The following AGK variants were observed in gnomAD, a reference collection of about 807,000 sequenced individuals.
AGK encodes the protein acylglycerol kinase, also known as acylglycerol kinase, mitochondrial.
A neutral mutation model predicts 66.4 loss-of-function variants in AGK; 52 were observed. That is an observed-to-expected ratio of 0.78 (90% confidence interval 0.63 to 0.99). AGK has a LOEUF of 0.99. Among genes scored for constraint, AGK ranks in the 50% least tolerant of loss-of-function variants. The pLI, the probability that AGK is intolerant of heterozygous loss-of-function variation, is 0.00. For synonymous variants in AGK, 182 were observed against 181.1 expected (o/e 1.00, Z -0.04); for missense variants, 451 against 506.6 (o/e 0.89, Z 1.05).
intron 2 of AGK, among the ~76,000 whole-genome samples, chr7:141,566,105 G>A (rs1020781238): frequency 1.2e-4 from 19 of 152,262 alleles, no homozygotes; most frequent in African/African-American, 4.3e-4. Flanking sequence ...TGTTCTCCGC[G>A]GAACATTCTG....
At chr7:141,556,524 G>C (rs1400303922) in intron 2 of AGK, among the ~76,000 whole-genome samples, 2 of 149,916 alleles carry the variant, frequency 1.3e-5, no homozygotes, top group Non-Finnish European at 3.0e-5. Flanking sequence ...CTGGGTGAGG[G>C]AGTGAGACCC....
chr7:141,595,941 T>G (rs1479569361), intron 3 of AGK, among the ~76,000 whole-genome samples: 1 of 152,218 alleles, frequency 6.6e-6, no homozygotes, highest in Non-Finnish European at 1.5e-5. Flanking sequence ...TCTGGAAAAC[T>G]GAGATTATTT....
At chr7:141,614,829 T>C (rs1796672921) in intron 7 of AGK, among the ~76,000 whole-genome samples, 1 of 152,244 alleles carries the variant, frequency 6.6e-6, no homozygotes, top group African/African-American at 2.4e-5. Flanking sequence ...ATTTGTTAAA[T>C]ATAGGTTGTG....
At position 141,649,255 on chromosome 7, in the gene AGK, CT is replaced by C; in HGVS notation, c.976-3del. ...GAGTAATGACGTTAGTGTTCTTAAC[CT>C]TTTTAGAGCAAAGAAGATTTTCTGA... On this transcript the variant is annotated splice_polypyrimidine_tract_variant and splice_region_variant and intron_variant, in intron 13 of 15. Coordinates refer to ENST00000649286, the MANE Select transcript of AGK (RefSeq NM_018238.4). 6.2e-7 allele frequency: 1 copy of C among 1,610,188 alleles called. No homozygotes were observed. Among genetic ancestry groups the C allele is most frequent in the Non-Finnish European group, 8.5e-7 (1 of 1,176,650 alleles).
chr7:141,585,708 A>G (rs1795981433), intron 2 of AGK, among the ~76,000 whole-genome samples: 1 of 152,228 alleles, frequency 6.6e-6, no homozygotes, highest in Non-Finnish European at 1.5e-5. Flanking sequence ...TAATAAATAA[A>G]ACATTTATGA....
chr7:141,591,186 G>A (rs867385706), intron 2 of AGK, among the ~76,000 whole-genome samples: 3 of 147,806 alleles, frequency 2.0e-5, no homozygotes, highest in African/African-American at 7.6e-5. Flanking sequence ...TCCACCTCCC[G>A]GGTTCAGGCA....
intron 2 of AGK, among the ~76,000 whole-genome samples, chr7:141,581,656 G>A (rs1353619438): frequency 2.0e-5 from 3 of 151,760 alleles, no homozygotes; most frequent in Non-Finnish European, 4.4e-5. Flanking sequence ...AAGTAGAGGT[G>A]TCCTATACTT....
At position 141,641,346 on chromosome 7, in the gene AGK, G is replaced by T; in HGVS notation, c.825G>T (p.Leu275Phe). The T allele has an allele frequency of 6.2e-7, 1 of 1,613,922 alleles. No homozygotes were observed. Among genetic ancestry groups the T allele is most frequent in the Non-Finnish European group, 8.5e-7 (1 of 1,179,938 alleles). The change falls in exon 12 of 16, where the codon TTG (leucine) becomes TTT (phenylalanine). Residue 275 changes from leucine (L) to phenylalanine (F), a missense_variant. Transcript: ENST00000649286. ...AGACCCCTGTACAAAGGCCTTCTTT[G>T]TACAGGAGAATATTACGAAGGCTTG... ...PEETPVQRPS[L>F]YRRILRRLAS...
chr7:141,631,954 T>C (rs6975352), intron 9 of AGK, among the ~76,000 whole-genome samples: 72,248 of 151,906 alleles, frequency 0.48, 17,393 homozygotes, highest in East Asian at 0.58. Flanking sequence ...CAATCCTGGG[T>C]GTGGTGGCTC....
chr7:141,602,304 G>A (rs1457407848), intron 5 of AGK, among the ~76,000 whole-genome samples: 1 of 151,340 alleles, frequency 6.6e-6, no homozygotes, highest in Non-Finnish European at 1.5e-5. Flanking sequence ...CAAAGTACTG[G>A]GATTATAGGT....
intron 2 of AGK, among the ~76,000 whole-genome samples, chr7:141,588,787 G>T (rs1044678434): frequency 1.3e-5 from 2 of 152,096 alleles, no homozygotes; most frequent in Non-Finnish European, 2.9e-5. Flanking sequence ...CAGAACTGAG[G>T]ATTCCTCCCC....
chr7:141,653,183 CA>C lies in AGK; in HGVS notation c.*261del. On this transcript the variant is annotated 3_prime_UTR_variant, in exon 16 of 16. Coordinates refer to ENST00000649286, the MANE Select transcript of AGK (RefSeq NM_018238.4). ...AACACGGACTTTCCTCAGGCTGGTT[CA>C]AGACGGAAAAGGACTTTCTTCTGTT... 2.4e-6 allele frequency: 1 copy of C among 421,578 alleles called. No individual in the cohort carries two copies. The highest frequency in any genetic ancestry group is 4.4e-6 in the Non-Finnish European group (1 of 229,200). 26.1% of individuals were successfully genotyped at this position (421,578 alleles called of 1,614,324 possible).
At chr7:141,583,822 AC>A (rs1795937173) in intron 2 of AGK, among the ~76,000 whole-genome samples, 1 of 151,942 alleles carries the variant, frequency 6.6e-6, no homozygotes, top group African/African-American at 2.4e-5. Flanking sequence ...GAAAGATGGC[AC>A]CAAGATTGAA....
At chr7:141,647,668 T>C (rs898696094) in intron 13 of AGK, among the ~76,000 whole-genome samples, 5 of 152,196 alleles carry the variant, frequency 3.3e-5, no homozygotes, top group African/African-American at 1.2e-4. Context: ...AAAAAAATTA[T>C]TTTTATTGAT....
chr7:141,615,490 C>G lies in AGK; in HGVS notation c.443C>G (p.Pro148Arg). ...CCCCAGGCTACCTTCAGTAAGATTC[C>G]CATTGGATTTATCCCACTGGGAGAG... Reference protein sequence around the residue: ...RTDEATFSKIPIGFIPLGETS... With the variant: ...RTDEATFSKIRIGFIPLGETS... Residue 148 changes from proline to arginine, a missense_variant, in exon 8 of 16, where the codon CCC (proline) becomes CGC (arginine). By Grantham distance (103) the Pro-to-Arg change is moderately radical. Coordinates refer to ENST00000649286, the MANE Select transcript of AGK (RefSeq NM_018238.4). 1 of 1,613,650 alleles carries G rather than the reference C, an allele frequency of 6.2e-7. No homozygotes were observed. The highest frequency in any genetic ancestry group is 8.5e-7 in the Non-Finnish European group (1 of 1,179,712).
intron 2 of AGK, among the ~76,000 whole-genome samples, chr7:141,573,645 G>C (rs971824530): frequency 1.3e-5 from 2 of 152,258 alleles, no homozygotes; most frequent in South Asian, 4.1e-4. Flanking sequence ...TGTGTTTATA[G>C]GCCGGAAGTT....
At position 141,558,613 on chromosome 7, in the gene AGK, TC is replaced by T. The variant is rs1167783751; in HGVS notation, c.101+3048del. Among the ~76,000 whole-genome samples, 8 of 152,280 alleles carry T rather than the reference TC, an allele frequency of 5.3e-5. No homozygotes were observed. In the East Asian group the frequency reaches 1.5e-3, roughly 29 times the overall value. On this transcript the variant is annotated intron_variant, in intron 2 of 15. Transcript: ENST00000649286. ...TGAGTGTACAGATACCTCTTGGAGA[TC>T]CTGTTTTTAATTATTTTGGATATAT...
chr7:141,612,906 A>G (rs916616705), intron 6 of AGK, among the ~76,000 whole-genome samples: 3 of 152,156 alleles, frequency 2.0e-5, no homozygotes, highest in African/African-American at 7.2e-5. Flanking sequence ...TCATATTCAT[A>G]CCTCATTTCT....
chr7:141,650,430 T>A (rs1797527700), intron 14 of AGK: 1 of 851,054 alleles, frequency 1.2e-6, no homozygotes, highest in Non-Finnish European at 1.4e-6. Flanking sequence ...ATGTTCTGCA[T>A]TGTTAGCACC....
Sources: gnomAD v4.1 joint callset for allele counts (sites outside exome capture counted in the v4.1 genomes callset) on GRCh38, gnomAD v4.1.1 for gene constraint, MANE v1.5 for transcripts, NCBI Gene and HGNC (gene_info 2026-07-23, HGNC 2026-07-21) for gene names.